Variants in TEDDM1 observed in about 807,000 individuals in gnomAD.
The protein encoded by TEDDM1 is transmembrane epididymal protein 1.
For synonymous variants in TEDDM1, 126 were observed against 128.0 expected (o/e 0.98, Z 0.11); for missense variants, 344 against 318.9 (o/e 1.08, Z -0.60).
Position 182,398,783 on chromosome 1 carries a change from A to C in TEDDM1, c.*881T>G, listed in dbSNP as rs1035808840. 1 of 152,266 alleles carries C rather than the reference A, an allele frequency of 6.6e-6. No individual in the cohort carries two copies. The highest frequency in any genetic ancestry group is 2.4e-5 in the African/African-American group (1 of 41,464). 9.4% of individuals were successfully genotyped at this position (152,266 alleles called of 1,614,324 possible). A position where few individuals can be genotyped will look rare whatever the true frequency, so the allele number is the denominator to read the frequency against. ...AAAATGAGAAGTCAGGGAAGTACCA[A>C]GCATTTGAATGCTATAAAAATGCTA... is the stretch of plus-strand genomic sequence containing the variant. On this transcript the variant is annotated 3_prime_UTR_variant, in exon 1 of 1. Coordinates refer to ENST00000367565, the MANE Select transcript of TEDDM1 (RefSeq NM_172000.4).
rs762609260 is a variant in TEDDM1, at chr1:182,399,998, A to G, written c.488T>C (p.Leu163Pro). The G allele has an allele frequency of 6.2e-7, 1 of 1,614,182 alleles. No individual in the cohort carries two copies. Among genetic ancestry groups the G allele is most frequent in the East Asian group, 2.2e-5 (1 of 44,874 alleles). The part of the protein sequence containing the change: ...MCHLQLMETF[L>P]ILMMGSWLMQ... ...CAGCCAGGAGCCCATCATCAGAATCAGAAAGGTCTCCATCAGCTGGAGATG... is the reference window on the plus strand; with the variant it reads ...CAGCCAGGAGCCCATCATCAGAATCGGAAAGGTCTCCATCAGCTGGAGATG... The change falls in exon 1 of 1, where the codon CTG becomes CCG. Residue 163 changes from leucine (L) to proline (P), a missense_variant. Leu to Pro is a moderately conservative substitution (Grantham distance 98). Transcript: ENST00000367565.
rs1174767203 is a variant in TEDDM1, at chr1:182,399,439, T to C, written c.*225A>G. The C allele has an allele frequency of 1.8e-6, 1 of 546,508 alleles. No homozygotes were observed. The highest frequency in any genetic ancestry group is 3.2e-6 in the Non-Finnish European group (1 of 310,344). 33.9% of individuals were successfully genotyped at this position (546,508 alleles called of 1,614,324 possible). ...TGAACTCGGGAGGCGGAGGTTGCACTGAGCTGAGATTGTGCCATTGCACTC... is the reference window on the plus strand; with the variant it reads ...TGAACTCGGGAGGCGGAGGTTGCACCGAGCTGAGATTGTGCCATTGCACTC... On this transcript the variant is annotated 3_prime_UTR_variant, in exon 1 of 1. Transcript: ENST00000367565.
In TEDDM1 at chr1:182,399,604, CT is replaced by C; in HGVS notation, c.*59del. On this transcript the variant is annotated 3_prime_UTR_variant, in exon 1 of 1. Transcript: ENST00000367565. ...ACCAAGGAGGGTACCATGCTCGTGG[CT>C]GAGGAGCCAACAGGAGGAAGATGAG... is the stretch of plus-strand genomic sequence containing the variant. 2 of 1,324,762 alleles carry C rather than the reference CT, an allele frequency of 1.5e-6. No homozygotes were observed. Among genetic ancestry groups the C allele is most frequent in the Admixed American group, 3.6e-5 (2 of 56,324 alleles). The allele number at this position is 1,324,762 out of a possible 1,614,324, so 82.1% of individuals were successfully genotyped here.
chr1:182,400,580 C>A lies in TEDDM1; in HGVS notation c.-95G>T. On this transcript the variant is annotated 5_prime_UTR_variant, in exon 1 of 1. Coordinates refer to ENST00000367565, the MANE Select transcript of TEDDM1 (RefSeq NM_172000.4). ...AATGGACTTTCCCATGGAATACAGG[C>A]CTGTCCGACTGAAGCGTGAAGAGCA... 9.8e-7 allele frequency: 1 copy of A among 1,021,862 alleles called. No individual in the cohort carries two copies. Among genetic ancestry groups the A allele is most frequent in the Non-Finnish European group, 1.4e-6 (1 of 704,776 alleles). 63.3% of individuals were successfully genotyped at this position (1,021,862 alleles called of 1,614,324 possible).
At position 182,400,569 on chromosome 1, in the gene TEDDM1, T is replaced by A. The variant is rs1299941904; in HGVS notation, c.-84A>T. On this transcript the variant is annotated 5_prime_UTR_variant, in exon 1 of 1. The change abolishes an upstream ATG in the 5' untranslated region. Transcript: ENST00000367565. ...TAAAAATGGCCAATGGACTTTCCCA[T>A]GGAATACAGGCCTGTCCGACTGAAG... is the stretch of plus-strand genomic sequence containing the variant. The A allele has an allele frequency of 8.6e-7, 1 of 1,161,872 alleles. No individual in the cohort carries two copies. The highest frequency in any genetic ancestry group is 2.3e-5 in the Admixed American group (1 of 42,782). 72.0% of individuals were successfully genotyped at this position (1,161,872 alleles called of 1,614,324 possible).
In TEDDM1 at chr1:182,400,344, G is replaced by C; in HGVS notation, c.142C>G (p.Leu48Val). ...SLLTFYVVLC[L>V]DGGMVLMRKQ... ...CTCATGAGCACCATCCCGCCATCAA[G>C]ACAGAGAACCACATAAAATGTTAAG... Residue 48 changes from leucine (L) to valine (V), a missense_variant, in exon 1 of 1, where the codon CTT becomes GTT. Coordinates refer to ENST00000367565, the MANE Select transcript of TEDDM1 (RefSeq NM_172000.4). 1 of 1,614,186 alleles carries C rather than the reference G, an allele frequency of 6.2e-7. No homozygotes were observed. Among genetic ancestry groups the C allele is most frequent in the South Asian group, 1.1e-5 (1 of 91,086 alleles).
chr1:182,399,717 C>G lies in TEDDM1; in HGVS notation c.769G>C (p.Glu257Gln). Residue 257 changes from glutamate to glutamine, a missense_variant, in exon 1 of 1, where the codon GAG (glutamate) becomes CAG (glutamine). Glu to Gln is a conservative substitution (Grantham distance 29). Transcript: ENST00000367565. The stretch of plus-strand genomic sequence containing the variant: ...GCCTGGTCCTCTTTCTCTGACTGCT[C>G]CACTTCCTGTAGCAACTTGTAGAGG... ...GPLYKLLQEVEQSEKEDQALL... is the reference protein window; with the variant it reads ...GPLYKLLQEVQQSEKEDQALL... 6.2e-7 allele frequency: 1 copy of G among 1,614,068 alleles called. No homozygotes were observed. Among genetic ancestry groups the G allele is most frequent in the Non-Finnish European group, 8.5e-7 (1 of 1,180,008 alleles).
At position 182,399,236 on chromosome 1, in the gene TEDDM1, G is replaced by A. The variant is rs1176888748; in HGVS notation, c.*428C>T. 1 of 184,290 alleles carries A rather than the reference G, an allele frequency of 5.4e-6. No homozygotes were observed. The highest frequency in any genetic ancestry group is 1.2e-5 in the Non-Finnish European group (1 of 86,544). The allele number at this position is 184,290 out of a possible 1,614,324, so 11.4% of individuals were successfully genotyped here. On this transcript the variant is annotated 3_prime_UTR_variant, in exon 1 of 1. Coordinates refer to ENST00000367565, the MANE Select transcript of TEDDM1 (RefSeq NM_172000.4). ...GGCTTTTCTTGCACACTAAGAAGAA[G>A]TGTTCTCCTCGTCCTTTTCCCTCCC...
At position 182,400,204 on chromosome 1, in the gene TEDDM1, C is replaced by T. The variant is rs1242533474; in HGVS notation, c.282G>A (p.Gln94=). ...VDFMSKNVLP[Q]RCVGLEKGTL... ...TACCTTTTTCTAGGCCCACACACCT[C>T]TGAGGCAGCACATTCTTGCTCATGA... Residue 94 remains glutamine, a synonymous_variant, in exon 1 of 1, where the codon CAG becomes CAA. Coordinates refer to ENST00000367565, the MANE Select transcript of TEDDM1 (RefSeq NM_172000.4). 6.2e-7 allele frequency: 1 copy of T among 1,614,166 alleles called. No individual in the cohort carries two copies. The highest frequency in any genetic ancestry group is 8.5e-7 in the Non-Finnish European group (1 of 1,180,034).
chr1:182,400,235 A>T lies in TEDDM1; in HGVS notation c.251T>A (p.Val84Glu), dbSNP rs746355573. The T allele has an allele frequency of 4.3e-6, 7 of 1,614,080 alleles. No homozygotes were observed. The Admixed American group carries it at 1.0e-4, about 23-fold the overall frequency. ...MFILLTLNGCVDFMSKNVLPQ... is the reference protein window; with the variant it reads ...MFILLTLNGCEDFMSKNVLPQ... Reference sequence around the variant, plus strand: ...CAGCACATTCTTGCTCATGAAGTCCACACAGCCATTAAGAGTGAGGAGGAT... The same window carrying T: ...CAGCACATTCTTGCTCATGAAGTCCTCACAGCCATTAAGAGTGAGGAGGAT... Residue 84 changes from valine to glutamate, a missense_variant, in exon 1 of 1, where the codon GTG (valine) becomes GAG (glutamate). Val to Glu is a moderately radical substitution (Grantham distance 121). Transcript: ENST00000367565.
rs1050406896 is a variant in TEDDM1, at chr1:182,398,731, G to A, written c.*933C>T. The A allele has an allele frequency of 1.1e-4, 17 of 152,234 alleles. No homozygotes were observed. The highest frequency in any genetic ancestry group is 4.1e-4 in the African/African-American group (17 of 41,464). The allele number at this position is 152,234 out of a possible 1,614,324, so 9.4% of individuals were successfully genotyped here. A position where few individuals can be genotyped will look rare whatever the true frequency, so the allele number is the denominator to read the frequency against. ...GTGCAAGGGTGGTCATGGTGAAAAG[G>A]AAAGTTTGGGCTAGAATAAGAGTAA... On this transcript the variant is annotated 3_prime_UTR_variant, in exon 1 of 1. Coordinates refer to ENST00000367565, the MANE Select transcript of TEDDM1 (RefSeq NM_172000.4).
In TEDDM1 at chr1:182,400,384, T is replaced by C. The variant is rs762023007; in HGVS notation, c.102A>G (p.Ile34Met). Residue 34 changes from isoleucine (I) to methionine (M), a missense_variant, in exon 1 of 1, where the codon ATA becomes ATG. Ile to Met is a conservative substitution (Grantham distance 10, BLOSUM62 1). Transcript: ENST00000367565. ...AAAATGTTAAGAGGGAGCCAGTCAC[T>C]ATCTTTAGTAATCCTCCATAGGCTA... ...WKIAYGGLLK[I>M]VTGSLLTFYV... 2 of 1,614,182 alleles carry C rather than the reference T, an allele frequency of 1.2e-6. No individual in the cohort carries two copies. Among genetic ancestry groups the C allele is most frequent in the Non-Finnish European group, 1.7e-6 (2 of 1,180,026 alleles).
rs750258845 is a variant in TEDDM1, at chr1:182,399,927, A to T, written c.559T>A (p.Trp187Arg). ...ILYRPVSGYP[W>R]QDDDISDIMF... Reference sequence around the variant, plus strand: ...ATGTCACTGATGTCATCGTCCTGCCATGGGTAGCCAGAGACGGGTCTGTAT... The same window carrying T: ...ATGTCACTGATGTCATCGTCCTGCCTTGGGTAGCCAGAGACGGGTCTGTAT... Residue 187 changes from tryptophan to arginine, a missense_variant, in exon 1 of 1, where the codon TGG becomes AGG. By Grantham distance (101) the Trp-to-Arg change is moderately radical. Transcript: ENST00000367565. The T allele has an allele frequency of 1.2e-6, 2 of 1,614,078 alleles. No homozygotes were observed. The highest frequency in any genetic ancestry group is 2.7e-5 in the African/African-American group (2 of 74,920).
chr1:182,399,954 GA>G lies in TEDDM1; in HGVS notation c.531del (p.Leu178TyrfsTer29). 12 of 1,614,092 alleles carry G rather than the reference GA, an allele frequency of 7.4e-6. No individual in the cohort carries two copies. Among genetic ancestry groups the G allele is most frequent in the Non-Finnish European group, 1.0e-5 (12 of 1,180,014 alleles). On this transcript the variant is annotated frameshift_variant, in exon 1 of 1. Coordinates refer to ENST00000367565, the MANE Select transcript of TEDDM1 (RefSeq NM_172000.4). LOFTEE classifies it low-confidence loss of function (END_TRUNC). ...MGSWLMQAGF[I>X]LYRPVSGYPW... ...GGGTAGCCAGAGACGGGTCTGTATA[GA>G]ATAAAGCCTGCCTGCATCAGCCAGG...
In TEDDM1 at chr1:182,400,130, A is replaced by T. The variant is rs1314461374; in HGVS notation, c.356T>A (p.Val119Asp). 1.9e-6 allele frequency: 3 copies of T among 1,613,944 alleles called. No individual in the cohort carries two copies. The highest frequency in any genetic ancestry group is 1.7e-5 in the Admixed American group (1 of 59,992). Residue 119 changes from valine to aspartate, a missense_variant, in exon 1 of 1, where the codon GTT (valine) becomes GAT (aspartate). Val to Asp is a radical substitution (Grantham distance 152). Transcript: ENST00000367565. ...CAGCTCCACCCCTTCTGAATCTTTA[A>T]CATGTGACACCATCAGCAGCAGGAG... is the stretch of plus-strand genomic sequence containing the variant. ...YELLLLMVSH[V>D]KDSEGVELHV...
rs756440466 is a variant in TEDDM1, at chr1:182,399,821, A to T, written c.665T>A (p.Phe222Tyr). 12 of 1,614,082 alleles carry T rather than the reference A, an allele frequency of 7.4e-6. No individual in the cohort carries two copies. The Admixed American group carries it at 2.0e-4, about 27-fold the overall frequency. The change falls in exon 1 of 1, where the codon TTT becomes TAT. Residue 222 changes from phenylalanine (F) to tyrosine (Y), a missense_variant. Phe to Tyr is a conservative substitution (Grantham distance 22). Transcript: ENST00000367565. ...GCTGGGTCTGAAACAATGATACCAAAAGGAAGAGAAGCCATAGATTCCCAA... is the reference window on the plus strand; with the variant it reads ...GCTGGGTCTGAAACAATGATACCAATAGGAAGAGAAGCCATAGATTCCCAA... ...FLLGIYGFSS[F>Y]WYHCFRPSLK...
Position 182,398,868 on chromosome 1 carries a change from A to T in TEDDM1, c.*796T>A, listed in dbSNP as rs1283102008. ...AAATTTGAAATGTTATTAAGTATTT[A>T]AAAAGTCTCACTTTATATGTAAAGT... On this transcript the variant is annotated 3_prime_UTR_variant, in exon 1 of 1. Coordinates refer to ENST00000367565, the MANE Select transcript of TEDDM1 (RefSeq NM_172000.4). 2.6e-5 allele frequency: 4 copies of T among 152,252 alleles called. No homozygotes were observed. The highest frequency in any genetic ancestry group is 5.9e-5 in the Non-Finnish European group (4 of 68,042). The allele number at this position is 152,252 out of a possible 1,614,324, so 9.4% of individuals were successfully genotyped here.
rs150871901 is a variant in TEDDM1 at position 182,399,904 on chromosome 1, G to T, written c.582C>A (p.Asp194Glu). The T allele has an allele frequency of 5.3e-5, 86 of 1,614,166 alleles. No individual in the cohort carries two copies. The African/African-American group carries it at 1.0e-3, about 20-fold the overall frequency. The change falls in exon 1 of 1, where the codon GAC becomes GAA. Residue 194 changes from aspartate to glutamate, a missense_variant. Asp to Glu is a conservative substitution (Grantham distance 45). Coordinates refer to ENST00000367565, the MANE Select transcript of TEDDM1 (RefSeq NM_172000.4). ...AGAAGAAGGTGGTGACAAACATGAT[G>T]TCACTGATGTCATCGTCCTGCCATG... ...GYPWQDDDIS[D>E]IMFVTTFFCW...
In TEDDM1 at chr1:182,399,373, G is replaced by A; in HGVS notation, c.*291C>T. 1 of 390,280 alleles carries A rather than the reference G, an allele frequency of 2.6e-6. No individual in the cohort carries two copies. The highest frequency in any genetic ancestry group is 4.6e-6 in the Non-Finnish European group (1 of 217,166). 24.2% of individuals were successfully genotyped at this position (390,280 alleles called of 1,614,324 possible). On this transcript the variant is annotated 3_prime_UTR_variant, in exon 1 of 1. Coordinates refer to ENST00000367565, the MANE Select transcript of TEDDM1 (RefSeq NM_172000.4). ...AGCACGGGCATGGTGGCAGGCTCCT[G>A]TAATTGCAGCTACTCGGGAGGCTGA...
Sources: allele counts gnomAD v4.1 joint callset, GRCh38; gene constraint gnomAD v4.1.1; transcripts MANE v1.5; gene names NCBI Gene and HGNC (gene_info 2026-07-23, HGNC 2026-07-21).